Variants in MIB1 observed in about 807,000 individuals in gnomAD.
MIB1 encodes the protein MIB E3 ubiquitin protein ligase 1.
A neutral mutation model predicts 124.5 loss-of-function variants in MIB1; 278 were observed. The observed-to-expected ratio is 2.23, with a 90% CI of 2.02 to 2.47. The LOEUF is 2.47. MIB1 is among the 30% of genes most tolerant of loss of function. The pLI, the probability that MIB1 is intolerant of heterozygous loss-of-function variation, is 0.00. For synonymous variants in MIB1, 446 were observed against 429.4 expected (o/e 1.04, Z -0.48); for missense variants, 957 against 1,254.4 (o/e 0.76, Z 3.58).
rs201172007 is a variant in MIB1, at chr18:21,725,748, CAGGA to C, written n.167+20642_167+20645del. 8.6e-3 allele frequency among the ~76,000 whole-genome samples: 1,270 copies of C among 148,222 alleles called. 7 individuals carry two copies. The highest frequency in any genetic ancestry group is 0.012 in the Non-Finnish European group (824 of 67,398). On this transcript the variant is annotated intron_variant and non_coding_transcript_variant, in intron 1 of 20. Transcript: ENST00000578646. ...TGTGTAAGATTGAAAGACAGTTGAACAGGAAGGAAGGAAGGAAGGAGGGAGGGAG... is the reference window on the plus strand; with the variant it reads ...TGTGTAAGATTGAAAGACAGTTGAACAGGAAGGAAGGAAGGAGGGAGGGAG...
chr18:21,868,152 A>G lies in MIB1; in HGVS notation c.*3486A>G, dbSNP rs779239904. On this transcript the variant is annotated 3_prime_UTR_variant, in exon 21 of 21. Coordinates refer to ENST00000261537, the MANE Select transcript of MIB1 (RefSeq NM_020774.4). ...AAAAACTCATAACATAAAATTTACCATATTAACTGTTTCTAAAGAATACAG... is the reference window on the plus strand; with the variant it reads ...AAAAACTCATAACATAAAATTTACCGTATTAACTGTTTCTAAAGAATACAG... 6.6e-6 allele frequency: 1 copy of G among 152,046 alleles called. No individual in the cohort carries two copies. The highest frequency in any genetic ancestry group is 2.1e-4 in the South Asian group (1 of 4,830). The allele number at this position is 152,046 out of a possible 1,614,324, so 9.4% of individuals were successfully genotyped here. A position where few individuals can be genotyped will look rare whatever the true frequency, so the allele number is the denominator to read the frequency against.
chr18:21,741,850 G>A lies in MIB1; in HGVS notation c.229+38G>A, dbSNP rs776984410. 2.6e-6 allele frequency: 4 copies of A among 1,513,504 alleles called. No homozygotes were observed. The highest frequency in any genetic ancestry group is 4.1e-5 in the Admixed American group (2 of 49,134). 93.8% of individuals were successfully genotyped at this position (1,513,504 alleles called of 1,614,324 possible). A position where few individuals can be genotyped will look rare whatever the true frequency, so the allele number is the denominator to read the frequency against. On this transcript the variant is annotated intron_variant, in intron 1 of 20. Coordinates refer to ENST00000261537, the MANE Select transcript of MIB1 (RefSeq NM_020774.4). The surrounding 1 kb of genome is among the most constrained non-coding windows in gnomAD (Gnocchi z 5.4). ...CACCTGGCCAGGGCTTGCGCGCGCG[G>A]GGGGAAGGGGCGAGCTGCGGTGGGC...
intron 10 of MIB1, among the ~76,000 whole-genome samples, chr18:21,804,218 AGATAG>A (rs2041679988): frequency 6.6e-6 from 1 of 152,200 alleles, no homozygotes; most frequent in Non-Finnish European, 1.5e-5. Context: ...TCCTAGGTAA[AGATAG>A]GAGTTGAGTT....
chr18:21,791,994 C>T (rs2041510175), intron 7 of MIB1, among the ~76,000 whole-genome samples: 1 of 152,154 alleles, frequency 6.6e-6, no homozygotes, highest in African/African-American at 2.4e-5. Context: ...TCCCAAAGAG[C>T]TACAGTTTTT....
At chr18:21,727,764 T>TA (rs1401168592) in intron 1 of MIB1, among the ~76,000 whole-genome samples, 4 of 151,714 alleles carry the variant, frequency 2.6e-5, no homozygotes, top group Non-Finnish European at 5.9e-5. Context: ...AAAAAACAAA[T>TA]AGAGTCCAGA....
rs1039076656 is a variant in MIB1, at chr18:21,805,094, C to A, written c.1479+1080C>A. 2.0e-5 allele frequency among the ~76,000 whole-genome samples: 3 copies of A among 152,208 alleles called. No homozygotes were observed. The South Asian group carries it at 6.2e-4, about 32-fold the overall frequency. ...ATGGCGTGTTCTCAGCTCACTGCAA[C>A]CTCTGCCTCCTGGGATCAAGTGATT... On this transcript the variant is annotated intron_variant, in intron 10 of 20. Coordinates refer to ENST00000261537, the MANE Select transcript of MIB1 (RefSeq NM_020774.4).
chr18:21,767,946 A>G (rs2041182423), intron 2 of MIB1, among the ~76,000 whole-genome samples: 1 of 152,234 alleles, frequency 6.6e-6, no homozygotes, highest in South Asian at 2.1e-4. Flanking sequence ...GCCAATACAG[A>G]AGACTATCAG....
Position 21,741,717 on chromosome 18 carries a change from C to T in MIB1, c.134C>T (p.Pro45Leu), listed in dbSNP as rs2040854455. ...GGCACCGTCCGGAGCTTCGAGAGCC[C>T]CGAGGAGGTGGTGGTAGTGTGGGAC... Reference protein sequence around the residue: ...HVGTVRSFESPEEVVVVWDNG... With the variant: ...HVGTVRSFESLEEVVVVWDNG... Residue 45 changes from proline (P) to leucine (L), a missense_variant, in exon 1 of 21, where the codon CCC (proline) becomes CTC (leucine). Pro to Leu is a moderately conservative substitution (Grantham distance 98). Transcript: ENST00000261537. This position sits in a 1 kb window ranked among gnomAD's most constrained non-coding sequence, Gnocchi z 5.4. 1 of 1,611,596 alleles carries T rather than the reference C, an allele frequency of 6.2e-7. No homozygotes were observed. Among genetic ancestry groups the T allele is most frequent in the Non-Finnish European group, 8.5e-7 (1 of 1,179,416 alleles).
chr18:21,740,994 G>C lies in MIB1; in HGVS notation c.-590G>C, dbSNP rs1052630640. On this transcript the variant is annotated 5_prime_UTR_variant, in exon 1 of 21. Coordinates refer to ENST00000261537, the MANE Select transcript of MIB1 (RefSeq NM_020774.4). ...CCGGCTGGGACTCTGTGGCGGGGCG[G>C]AGCGCGGCGGCTGGTGCGGGGGCAG... 1.3e-5 allele frequency among the ~76,000 whole-genome samples: 2 copies of C among 152,202 alleles called. No individual in the cohort carries two copies. Among genetic ancestry groups the C allele is most frequent in the Non-Finnish European group, 2.9e-5 (2 of 68,018 alleles).
At chr18:21,813,802 G>A (rs2041800528) in intron 10 of MIB1, among the ~76,000 whole-genome samples, 1 of 152,156 alleles carries the variant, frequency 6.6e-6, no homozygotes, top group African/African-American at 2.4e-5. Flanking sequence ...CAAAACTAGG[G>A]AGTCCACCAG....
intron 1 of MIB1, among the ~76,000 whole-genome samples, chr18:21,763,187 C>A (rs1197435562): frequency 6.6e-6 from 1 of 151,638 alleles, no homozygotes; most frequent in Non-Finnish European, 1.5e-5. Context: ...GAATATTGGT[C>A]CCAGAGTATT....
intron 12 of MIB1, among the ~76,000 whole-genome samples, chr18:21,820,626 T>C (rs970766826): frequency 1.3e-5 from 2 of 152,210 alleles, no homozygotes; most frequent in Non-Finnish European, 2.9e-5. Flanking sequence ...GATTTTGGCA[T>C]TGTGAAGAAG....
chr18:21,784,484 G>A (rs866412410), intron 6 of MIB1, among the ~76,000 whole-genome samples: 3 of 152,140 alleles, frequency 2.0e-5, no homozygotes, highest in Middle Eastern at 3.2e-3. Flanking sequence ...AGCTGTTCCA[G>A]TATAATAAAG....
At chr18:21,855,742 A>G (rs1209381436) in intron 18 of MIB1, among the ~76,000 whole-genome samples, 1 of 152,202 alleles carries the variant, frequency 6.6e-6, no homozygotes, top group Non-Finnish European at 1.5e-5. Context: ...GTTCAAATCT[A>G]GTGGTTTGCC....
chr18:21,852,333 G>C (rs542891294), intron 17 of MIB1, among the ~76,000 whole-genome samples: 7 of 152,160 alleles, frequency 4.6e-5, no homozygotes, highest in Non-Finnish European at 8.8e-5. Flanking sequence ...GCATGTATTT[G>C]GTTGTTTGGA....
intron 11 of MIB1, among the ~76,000 whole-genome samples, chr18:21,818,319 T>C (rs1206982878): frequency 6.6e-6 from 1 of 152,158 alleles, no homozygotes; most frequent in East Asian, 1.9e-4. Flanking sequence ...CAGGTTCTAA[T>C]GAGCAGCCAA....
chr18:21,753,421 C>G (rs1481149030), intron 1 of MIB1, among the ~76,000 whole-genome samples: 1 of 152,058 alleles, frequency 6.6e-6, no homozygotes, highest in Non-Finnish European at 1.5e-5. Flanking sequence ...CTCCTGACCT[C>G]AAGTGATCCA....
chr18:21,790,816 G>A (rs2041493445), intron 6 of MIB1, among the ~76,000 whole-genome samples: 1 of 152,184 alleles, frequency 6.6e-6, no homozygotes, highest in African/African-American at 2.4e-5. Flanking sequence ...AAAACATGCA[G>A]GGGAGAATAG....
intron 6 of MIB1, among the ~76,000 whole-genome samples, chr18:21,786,688 T>G (rs2041439542): frequency 6.6e-6 from 1 of 152,162 alleles, no homozygotes; most frequent in African/African-American, 2.4e-5. Context: ...AGTCCCACTG[T>G]TTTTATTTTT....
Sources: gnomAD v4.1 joint callset for allele counts (sites outside exome capture counted in the v4.1 genomes callset) on GRCh38, gnomAD v4.1.1 for gene constraint, Gnocchi (gnomAD v3.1) non-coding constraint, MANE v1.5 for transcripts, NCBI Gene and HGNC (gene_info 2026-07-23, HGNC 2026-07-21) for gene names.